Variants in ARHGAP15 observed in about 807,000 individuals in gnomAD.
The protein encoded by ARHGAP15 is rho GTPase-activating protein 15.
Under a neutral mutation model 63.7 loss-of-function variants are expected in ARHGAP15, and 51 were observed. The ratio of observed to expected loss-of-function variants is 0.80; its 90% CI spans 0.64 to 1.01. The LOEUF (loss-of-function observed/expected upper bound fraction) is 1.01, where lower values mean the gene tolerates loss of function less well. Ranked by LOEUF, ARHGAP15 falls within the 50% of genes least tolerant of loss-of-function variation. The pLI is 0.00. For missense variants in ARHGAP15, 560 were observed against 564.6 expected (o/e 0.99, Z 0.08); for synonymous variants, 191 against 193.8 (o/e 0.99, Z 0.12).
intron 2 of ARHGAP15, among the ~76,000 whole-genome samples, chr2:143,176,916 A>T (rs1479943625): frequency 6.6e-6 from 1 of 152,164 alleles, no homozygotes; most frequent in Non-Finnish European, 1.5e-5. Context: ...TTCCTTCCAC[A>T]TGGGCCTTTC....
rs184001460 is a variant in ARHGAP15, at chr2:143,591,599, T to G, written c.1004-32534T>G. On this transcript the variant is annotated intron_variant, in intron 11 of 13. Transcript: ENST00000295095. Reference sequence around the variant, plus strand: ...TGCAAGTGTTTCTGGGATAAGTTGGTTTTTTTTGTTTGTTCTTTTTTTTTT... The same window carrying G: ...TGCAAGTGTTTCTGGGATAAGTTGGGTTTTTTTGTTTGTTCTTTTTTTTTT... Among the ~76,000 whole-genome samples the G allele has an allele frequency of 1.3e-3, 165 of 128,208 alleles. 1 individual carries two copies. Among genetic ancestry groups the G allele is most frequent in the East Asian group, 1.0e-3 (5 of 5,006 alleles). The allele number at this position is 128,208 out of a possible 152,430, so 84.1% of individuals were successfully genotyped here.
intron 10 of ARHGAP15, among the ~76,000 whole-genome samples, chr2:143,526,041 G>GA (rs1694258774): frequency 6.6e-6 from 1 of 152,216 alleles, no homozygotes; most frequent in East Asian, 1.9e-4. Flanking sequence ...TTATGCTCAA[G>GA]AAAATGCTTG....
chr2:143,637,214 C>T (rs10496951), intron 12 of ARHGAP15, among the ~76,000 whole-genome samples: 2,068 of 152,130 alleles, frequency 0.014, 76 homozygotes, highest in East Asian at 0.12. Flanking sequence ...TTCAGTGGAC[C>T]GTTTTATTTG....
intron 6 of ARHGAP15, among the ~76,000 whole-genome samples, chr2:143,309,264 A>G (rs1196808831): frequency 2.0e-5 from 3 of 152,094 alleles, no homozygotes; most frequent in African/African-American, 7.2e-5. Flanking sequence ...TACATCAGAA[A>G]ATACACACAT....
At chr2:143,441,674 T>C (rs1215946759) in intron 8 of ARHGAP15, among the ~76,000 whole-genome samples, 1 of 152,132 alleles carries the variant, frequency 6.6e-6, no homozygotes, top group Admixed American at 6.6e-5. Flanking sequence ...AATCCATGAG[T>C]GTGGAGACCT....
intron 5 of ARHGAP15, among the ~76,000 whole-genome samples, chr2:143,234,618 T>G (rs1271024700): frequency 6.6e-6 from 1 of 152,218 alleles, no homozygotes; most frequent in Admixed American, 6.5e-5. Context: ...TCAGTTTTTC[T>G]TATTTTCTTA....
At chr2:143,525,126 T>C (rs996267816) in intron 10 of ARHGAP15, among the ~76,000 whole-genome samples, 1 of 152,186 alleles carries the variant, frequency 6.6e-6, no homozygotes, top group African/African-American at 2.4e-5. Context: ...TTTTATACTG[T>C]TCATTCTTTC....
chr2:143,374,328 A>G (rs2104923353), intron 6 of ARHGAP15, among the ~76,000 whole-genome samples: 1 of 152,240 alleles, frequency 6.6e-6, no homozygotes, highest in South Asian at 2.1e-4. Context: ...TGTCATTAGT[A>G]GCTGCTTATT....
At chr2:143,604,771 A>T (rs1253697552) in intron 11 of ARHGAP15, among the ~76,000 whole-genome samples, 1 of 152,192 alleles carries the variant, frequency 6.6e-6, no homozygotes, top group African/African-American at 2.4e-5. Flanking sequence ...CTTGGCACGC[A>T]TCCTGAAAAC....
At chr2:143,561,754 C>T (rs185969461) in intron 11 of ARHGAP15, among the ~76,000 whole-genome samples, 1 of 152,226 alleles carries the variant, frequency 6.6e-6, no homozygotes, top group African/African-American at 2.4e-5. Context: ...CTGCCCACTT[C>T]GGCCTTCCAA....
chr2:143,684,017 TA>T (rs1191226762), intron 12 of ARHGAP15, among the ~76,000 whole-genome samples: 7 of 151,884 alleles, frequency 4.6e-5, no homozygotes, highest in Admixed American at 6.6e-5. Flanking sequence ...GAAGAAAACT[TA>T]AAAAAAAATT....
At chr2:143,423,472 G>A (rs1689015278) in intron 6 of ARHGAP15, among the ~76,000 whole-genome samples, 1 of 152,138 alleles carries the variant, frequency 6.6e-6, no homozygotes, top group Non-Finnish European at 1.5e-5. Context: ...ATACTTGGCT[G>A]AATGCAGGGA....
At chr2:143,549,866 C>T (rs936955853) in intron 10 of ARHGAP15, among the ~76,000 whole-genome samples, 2 of 152,110 alleles carry the variant, frequency 1.3e-5, no homozygotes, top group Admixed American at 6.5e-5. Context: ...ATTTATCCTG[C>T]GAGACACTCC....
At chr2:143,664,703 C>A (rs1287550613) in intron 12 of ARHGAP15, among the ~76,000 whole-genome samples, 4 of 152,082 alleles carry the variant, frequency 2.6e-5, no homozygotes, top group African/African-American at 9.7e-5. Flanking sequence ...AGAGAAGAAT[C>A]AAATAGACAC....
intron 11 of ARHGAP15, among the ~76,000 whole-genome samples, chr2:143,583,847 A>G (rs1425397023): frequency 6.6e-6 from 1 of 152,230 alleles, no homozygotes; most frequent in East Asian, 1.9e-4. Flanking sequence ...TTCAATGTCT[A>G]CTACCAATTT....
At chr2:143,325,331 A>G (rs1684201572) in intron 6 of ARHGAP15, among the ~76,000 whole-genome samples, 1 of 152,136 alleles carries the variant, frequency 6.6e-6, no homozygotes, top group South Asian at 2.1e-4. Flanking sequence ...GCAAAATTTT[A>G]TTTACTTAAA....
chr2:143,320,269 G>A (rs1232750384), intron 6 of ARHGAP15, among the ~76,000 whole-genome samples: 1 of 152,102 alleles, frequency 6.6e-6, no homozygotes, highest in Admixed American at 6.6e-5. Flanking sequence ...ACAGTGGTGG[G>A]CTGGAGCTGG....
intron 6 of ARHGAP15, among the ~76,000 whole-genome samples, chr2:143,398,121 T>G (rs1260584249): frequency 6.6e-6 from 1 of 152,124 alleles, no homozygotes; most frequent in Admixed American, 6.6e-5. Context: ...AGAGCAAGAA[T>G]CAGATTTCAT....
intron 10 of ARHGAP15, among the ~76,000 whole-genome samples, chr2:143,538,662 C>T (rs576374547): frequency 7.9e-5 from 12 of 152,280 alleles, no homozygotes; most frequent in African/African-American, 2.9e-4. Context: ...CTTTGATTCT[C>T]TGTTTATGCT....
Sources: allele counts gnomAD v4.1 joint callset (sites outside exome capture counted in the v4.1 genomes callset), GRCh38; gene constraint gnomAD v4.1.1; transcripts MANE v1.5; gene names NCBI Gene and HGNC (gene_info 2026-07-23, HGNC 2026-07-21).